HTD2: variants seen among roughly 807,000 people sequenced by gnomAD.
The protein encoded by HTD2 is hydroxyacyl-thioester dehydratase type 2, mitochondrial.
In HTD2, 1 loss-of-function variant was observed where a neutral mutation model predicts 3.1. The observed-to-expected ratio is 0.32, with a 90% CI of 0.11 to 1.52. The LOEUF is 1.52. Ranked by LOEUF, HTD2 falls within the 40% of genes most tolerant of loss-of-function variation. The probability of loss-of-function intolerance (pLI) is 0.39; values close to 1 mark genes in which losing one functional copy is unlikely to be tolerated. For missense variants in HTD2, 150 were observed against 79.6 expected, an observed-to-expected ratio of 1.88 and a Z score of -3.36; for synonymous variants, 50 against 28.9, an observed-to-expected ratio of 1.73 and a Z score of -2.34.
intron 1 of HTD2, among the ~76,000 whole-genome samples, chr3:58,307,314 A>G (rs2097476409): frequency 6.6e-6 from 1 of 152,240 alleles, no homozygotes; most frequent in Admixed American, 6.5e-5. Context: ...ATGTAGCTTG[A>G]GTAGATGTTA....
Position 58,319,252 on chromosome 3 carries a change from A to G in HTD2, c.*1132A>G, listed in dbSNP as rs924521185. On this transcript the variant is annotated 3_prime_UTR_variant, in exon 5 of 5. Coordinates refer to ENST00000461393, the MANE Select transcript of HTD2 (RefSeq NM_001348712.2). The stretch of plus-strand genomic sequence containing the variant: ...TTACACCAAGGTGGCATCTTAGTCT[A>G]CCTTCAGTGAGACTTGCGTTTCAGG... The G allele has an allele frequency of 6.6e-6, 1 of 152,212 alleles. No individual in the cohort carries two copies. 9.4% of individuals were successfully genotyped at this position (152,212 alleles called of 1,614,324 possible). A position where few individuals can be genotyped will look rare whatever the true frequency, so the allele number is the denominator to read the frequency against.
chr3:58,316,884 C>T (rs938896962), intron 3 of HTD2, 31 bp from the exon 4 acceptor site: 1 of 1,553,876 alleles, frequency 6.4e-7, no homozygotes, highest in Admixed American at 1.7e-5. Flanking sequence ...CTGTCTATGA[C>T]ACACTATGTA....
At position 58,317,659 on chromosome 3, in the gene HTD2, C is replaced by T. The variant is rs1486736685; in HGVS notation, c.46C>T (p.Arg16Trp). 2.5e-5 allele frequency: 18 copies of T among 709,296 alleles called. No homozygotes were observed. The Admixed American group carries it at 2.8e-4, about 11-fold the overall frequency. The allele number at this position is 709,296 out of a possible 1,614,324, so 43.9% of individuals were successfully genotyped here. ...SSHHLWWGGL[R>W]RTVCLNLPVL... ...CCATCACCTTTGGTGGGGTGGGCTT[C>T]GGAGGACAGTCTGTCTGAACCTGCC... Residue 16 changes from arginine (R) to tryptophan (W), a missense_variant, in exon 5 of 5, where the codon CGG becomes TGG. By Grantham distance (101) the Arg-to-Trp change is moderately radical. Coordinates refer to ENST00000461393, the MANE Select transcript of HTD2 (RefSeq NM_001348712.2).
At chr3:58,307,639 T>C (rs537890287) in intron 1 of HTD2, 1 of 152,266 alleles carries the variant, frequency 6.6e-6, no homozygotes, top group African/African-American at 2.4e-5. Flanking sequence ...GGAGCGAGAA[T>C]TGCTTCGACC....
upstream of HTD2, chr3:58,306,458 C>G (rs2097474638): frequency 6.6e-6 from 1 of 152,336 alleles, no homozygotes; most frequent in Non-Finnish European, 1.5e-5. Context: ...TGTCTGGGAG[C>G]CGTCTCAGTT....
rs552071724 is a variant in HTD2, at chr3:58,316,776, T to TAA, written c.-253-138_-253-137insAA. 2.3e-5 allele frequency: 20 copies of TAA among 884,428 alleles called. No homozygotes were observed. The African/African-American group carries it at 3.2e-4, about 14-fold the overall frequency. 54.8% of individuals were successfully genotyped at this position (884,428 alleles called of 1,614,324 possible). On this transcript the variant is annotated intron_variant, in intron 3 of 4. Transcript: ENST00000461393. ...CTTGTACTCTAGAGAGGGCAAAACT[T>TAA]ACGATTTGGTTACAGCTGTAGTTTT...
intron 2 of HTD2, among the ~76,000 whole-genome samples, chr3:58,311,733 G>C (rs1240396543): frequency 6.7e-6 from 1 of 148,742 alleles, no homozygotes; most frequent in Non-Finnish European, 1.5e-5. Flanking sequence ...CCCCACCTTG[G>C]CTTCCCAAAG....
intron 2 of HTD2, 21 bp from the exon 3 acceptor site, chr3:58,316,494 A>C (rs183906452): frequency 2.6e-5 from 41 of 1,598,990 alleles, no homozygotes; most frequent in Non-Finnish European, 3.3e-5. Flanking sequence ...TAGCCTGCTA[A>C]TAGCATTATT....
chr3:58,308,525 T>C (rs918455734), intron 1 of HTD2, among the ~76,000 whole-genome samples: 2 of 152,108 alleles, frequency 1.3e-5, no homozygotes, highest in African/African-American at 4.8e-5. Flanking sequence ...ACTCCTGGCC[T>C]CCCAAACTGT....
Position 58,318,300 on chromosome 3 carries a change from C to T in HTD2, c.*180C>T, listed in dbSNP as rs896293168. 1.9e-6 allele frequency: 1 copy of T among 523,826 alleles called. No homozygotes were observed. Among genetic ancestry groups the T allele is most frequent in the Non-Finnish European group, 3.3e-6 (1 of 300,192 alleles). 32.4% of individuals were successfully genotyped at this position (523,826 alleles called of 1,614,324 possible). On this transcript the variant is annotated 3_prime_UTR_variant, in exon 5 of 5. Transcript: ENST00000461393. ...TTCCAGTTTGGCCTTATGCTTCATG[C>T]AGACTTGAGTGTATGCAGGATTTCA...
chr3:58,318,945 A>G lies in HTD2; in HGVS notation c.*825A>G, dbSNP rs1166481301. 6.6e-6 allele frequency: 1 copy of G among 151,712 alleles called. No homozygotes were observed. Among genetic ancestry groups the G allele is most frequent in the South Asian group, 2.1e-4 (1 of 4,810 alleles). 9.4% of individuals were successfully genotyped at this position (151,712 alleles called of 1,614,324 possible). ...ACCTGGGAGGTTGCAGTGAGCTGAA[A>G]TCACACCACTGCACTTCAGCCTGGG... On this transcript the variant is annotated 3_prime_UTR_variant, in exon 5 of 5. Coordinates refer to ENST00000461393, the MANE Select transcript of HTD2 (RefSeq NM_001348712.2).
chr3:58,316,629 CAG>C, intron 3 of HTD2, 38 bp downstream of exon 3: 1 of 1,551,292 alleles, frequency 6.4e-7, no homozygotes, highest in Non-Finnish European at 8.9e-7. Context: ...TATAACAGGG[CAG>C]AGAGACCGAT....
intron 1 of HTD2, chr3:58,310,130 G>A (rs1334518996): frequency 2.1e-5 from 12 of 572,630 alleles, no homozygotes; most frequent in Non-Finnish European, 3.7e-5. Context: ...AGCCTCGAGA[G>A]CCAGAGGTGG....
chr3:58,318,516 A>AAAG lies in HTD2; in HGVS notation c.*396_*397insAAG, dbSNP rs58197677. 1 of 144,176 alleles carries AAAG rather than the reference A, an allele frequency of 6.9e-6. No individual in the cohort carries two copies. The highest frequency in any genetic ancestry group is 2.0e-4 in the East Asian group (1 of 5,008). 8.9% of individuals were successfully genotyped at this position (144,176 alleles called of 1,614,324 possible). ...CTACCAAAAAAAAAAAAAAAAAAAA[A>AAAG]GTGCAACTAGCTGTGCTTGGTGACT... On this transcript the variant is annotated 3_prime_UTR_variant, in exon 5 of 5. Transcript: ENST00000461393.
rs994119587 is a variant in HTD2 at position 58,318,915 on chromosome 3, C to T, written c.*795C>T. The T allele has an allele frequency of 2.6e-5, 4 of 151,782 alleles. No individual in the cohort carries two copies. Among genetic ancestry groups the T allele is most frequent in the African/African-American group, 9.7e-5 (4 of 41,240 alleles). 9.4% of individuals were successfully genotyped at this position (151,782 alleles called of 1,614,324 possible). A position where few individuals can be genotyped will look rare whatever the true frequency, so the allele number is the denominator to read the frequency against. On this transcript the variant is annotated 3_prime_UTR_variant, in exon 5 of 5. Coordinates refer to ENST00000461393, the MANE Select transcript of HTD2 (RefSeq NM_001348712.2). ...TTGGGAGGCTGAGGCAGGAGAATCT[C>T]TTGAACCTGGGAGGTTGCAGTGAGC...
Position 58,317,931 on chromosome 3 carries a change from A to T in HTD2, c.318A>T (p.Val106=), listed in dbSNP as rs2097490118. The change falls in exon 5 of 5, where the codon GTA becomes GTT. Residue 106 remains valine (V), a synonymous_variant. Transcript: ENST00000461393. Reference sequence around the variant, plus strand: ...CTAAAATGCCAGGGCCAGGCTGTGTATTTCTTTCCCAGGAAATTAGCTTTC... The same window carrying T: ...CTAAAATGCCAGGGCCAGGCTGTGTTTTTCTTTCCCAGGAAATTAGCTTTC... ...LGTKMPGPGC[V]FLSQEISFPA... is the part of the protein sequence containing the mutation. The T allele has an allele frequency of 2.8e-6, 2 of 702,894 alleles. No individual in the cohort carries two copies. The highest frequency in any genetic ancestry group is 4.6e-4 in the Middle Eastern group (2 of 4,368). 43.5% of individuals were successfully genotyped at this position (702,894 alleles called of 1,614,324 possible). A position where few individuals can be genotyped will look rare whatever the true frequency, so the allele number is the denominator to read the frequency against.
At chr3:58,314,613 C>G (rs1056855871) in intron 2 of HTD2, among the ~76,000 whole-genome samples, 2 of 150,446 alleles carry the variant, frequency 1.3e-5, no homozygotes, top group Admixed American at 6.6e-5. Context: ...GAAACTAGAT[C>G]ACTCATACAC....
intron 2 of HTD2, among the ~76,000 whole-genome samples, chr3:58,313,021 T>C (rs985363156): frequency 1.3e-5 from 2 of 149,836 alleles, no homozygotes; most frequent in Admixed American, 1.3e-4. Flanking sequence ...CCTAGCACTT[T>C]GGGAGGCCAA....
In HTD2 at chr3:58,317,996, C is replaced by T. The variant is rs1284630779; in HGVS notation, c.383C>T (p.Ala128Val). 4.3e-6 allele frequency: 3 copies of T among 702,794 alleles called. No homozygotes were observed. Among genetic ancestry groups the T allele is most frequent in the Admixed American group, 4.0e-5 (2 of 49,958 alleles). 43.5% of individuals were successfully genotyped at this position (702,794 alleles called of 1,614,324 possible). A position where few individuals can be genotyped will look rare whatever the true frequency, so the allele number is the denominator to read the frequency against. The change falls in exon 5 of 5, where the codon GCA becomes GTA. Residue 128 changes from alanine to valine, a missense_variant. Physicochemically the swap from Ala to Val is moderately conservative, Grantham distance 64 (BLOSUM62 0). Transcript: ENST00000461393. ...ATTGGAGAAGTTGTTTTAGCTTCTG[C>T]AGAAGTGAAAAAGCTGAAGCGGTTC... ...LYIGEVVLAS[A>V]EVKKLKRFIA...
Sources: gnomAD v4.1 joint callset for allele counts (sites outside exome capture counted in the v4.1 genomes callset) on GRCh38, gnomAD v4.1.1 for gene constraint, MANE v1.5 for transcripts, NCBI Gene and HGNC (gene_info 2026-07-23, HGNC 2026-07-21) for gene names.